ASAP2: variants seen among roughly 807,000 people sequenced by gnomAD.
The protein encoded by ASAP2 is arf-GAP with SH3 domain, ANK repeat and PH domain-containing protein 2.
ASAP2 carries 45 observed loss-of-function variants against 131.4 expected under a neutral mutation model. The observed-to-expected ratio is 0.34, with a 90% CI of 0.27 to 0.44. The LOEUF is 0.44. Among genes scored for constraint, ASAP2 ranks in the 20% least tolerant of loss-of-function variants. The pLI is 1.00. For synonymous variants in ASAP2, 510 were observed against 503.0 expected, an observed-to-expected ratio of 1.01 and a Z score of -0.19; for missense variants, 1,011 against 1,297.0, an observed-to-expected ratio of 0.78 and a Z score of 3.39.
At chr2:9,343,941 G>T (rs1671777025) in intron 9 of ASAP2, among the ~76,000 whole-genome samples, 1 of 152,136 alleles carries the variant, frequency 6.6e-6, no homozygotes, top group South Asian at 2.1e-4. Flanking sequence ...CCTTGGTCAG[G>T]GTCAGACCCC....
At chr2:9,297,748 G>A (rs928076898) in intron 3 of ASAP2, among the ~76,000 whole-genome samples, 1 of 152,208 alleles carries the variant, frequency 6.6e-6, no homozygotes, top group Non-Finnish European at 1.5e-5. Flanking sequence ...TTTCTAAACT[G>A]TGTAGACTAC....
At chr2:9,224,656 T>A (rs1287056563) in intron 1 of ASAP2, among the ~76,000 whole-genome samples, 1 of 152,196 alleles carries the variant, frequency 6.6e-6, no homozygotes, top group Non-Finnish European at 1.5e-5. Flanking sequence ...CATAATCATA[T>A]CCTTTCTTCT....
intron 1 of ASAP2, among the ~76,000 whole-genome samples, chr2:9,211,910 T>G (rs1246167966): frequency 6.6e-6 from 1 of 152,230 alleles, no homozygotes; most frequent in Non-Finnish European, 1.5e-5. Flanking sequence ...AGCATTCATG[T>G]TTTTGGAAGT....
Position 9,391,193 on chromosome 2 carries a change from A to G in ASAP2, c.2515A>G (p.Thr839Ala). 1 of 1,611,474 alleles carries G rather than the reference A, an allele frequency of 6.2e-7. No individual in the cohort carries two copies. The highest frequency in any genetic ancestry group is 8.5e-7 in the Non-Finnish European group (1 of 1,178,770). ...GCTGCCCCCTCTTCGCGTGACATCT[A>G]CCAGTACGTTTTTTTCCTTTTTCCT... ...PPLPPLRVTS[T>A]NPLTPTPPPP... is the part of the protein sequence containing the mutation. The change falls in exon 23 of 28, where the codon ACC (threonine) becomes GCC (alanine). Residue 839 changes from threonine to alanine, a missense_variant. Thr to Ala is a moderately conservative substitution (Grantham distance 58, BLOSUM62 0). Transcript: ENST00000281419.
intron 15 of ASAP2, among the ~76,000 whole-genome samples, chr2:9,361,646 C>CA (rs1466238582): frequency 6.6e-6 from 1 of 152,012 alleles, no homozygotes; most frequent in Non-Finnish European, 1.5e-5. Context: ...TAGCTCACTG[C>CA]AACCTCTGCC....
chr2:9,313,688 C>T lies in ASAP2; in HGVS notation c.346-4836C>T, dbSNP rs116242135. 2.8e-3 allele frequency among the ~76,000 whole-genome samples: 430 copies of T among 152,280 alleles called. 2 individuals carry two copies. The highest frequency in any genetic ancestry group is 5.1e-3 in the Non-Finnish European group (345 of 68,028). On this transcript the variant is annotated intron_variant, in intron 3 of 27. Coordinates refer to ENST00000281419, the MANE Select transcript of ASAP2 (RefSeq NM_003887.3). ...GGTTCAGGACCAAATTGACCTGCGCCGGTGACTCTGATTGTGGTTTTGTAT... is the reference window on the plus strand; with the variant it reads ...GGTTCAGGACCAAATTGACCTGCGCTGGTGACTCTGATTGTGGTTTTGTAT...
At chr2:9,227,697 A>G (rs1402211491) in intron 1 of ASAP2, among the ~76,000 whole-genome samples, 6 of 152,194 alleles carry the variant, frequency 3.9e-5, no homozygotes, top group Non-Finnish European at 8.8e-5. Flanking sequence ...CCAGCTGAGT[A>G]TTTGGGAGGT....
At chr2:9,225,592 C>G (rs1395066996) in intron 1 of ASAP2, among the ~76,000 whole-genome samples, 3 of 152,114 alleles carry the variant, frequency 2.0e-5, no homozygotes, top group Non-Finnish European at 4.4e-5. Flanking sequence ...GAAATTGATT[C>G]AGAAGGTTGT....
At chr2:9,362,559 C>T (rs932020000) in intron 15 of ASAP2, among the ~76,000 whole-genome samples, 1 of 152,140 alleles carries the variant, frequency 6.6e-6, no homozygotes, top group Admixed American at 6.5e-5. Flanking sequence ...CTCTCTTGAG[C>T]CTGGTGTGGT....
At chr2:9,314,250 C>T (rs1669500914) in intron 3 of ASAP2, among the ~76,000 whole-genome samples, 1 of 152,186 alleles carries the variant, frequency 6.6e-6, no homozygotes, top group Admixed American at 6.5e-5. Context: ...TCCCAAAGTG[C>T]TGGAATTACA....
intron 3 of ASAP2, among the ~76,000 whole-genome samples, chr2:9,305,518 T>TA (rs72534540): frequency 1.7e-4 from 7 of 40,824 alleles, no homozygotes; most frequent in Admixed American, 5.4e-4. Flanking sequence ...GGGGTATAGA[T>TA]ATTGGTGGAG....
chr2:9,381,743 AAC>A (rs1172363133), intron 20 of ASAP2, among the ~76,000 whole-genome samples: 1 of 152,074 alleles, frequency 6.6e-6, no homozygotes, highest in African/African-American at 2.4e-5. Context: ...TCTCCACAAA[AAC>A]GTTTCGAATT....
At chr2:9,332,528 G>A (rs146411567) in intron 7 of ASAP2, among the ~76,000 whole-genome samples, 2,080 of 152,258 alleles carry the variant, frequency 0.014, 35 homozygotes, top group African/African-American at 0.048. Context: ...ACCATTCATC[G>A]TCATGCTGGA....
intron 3 of ASAP2, among the ~76,000 whole-genome samples, chr2:9,303,307 T>C (rs1401894403): frequency 1.3e-5 from 2 of 152,170 alleles, no homozygotes; most frequent in East Asian, 3.9e-4. Context: ...TTATTAGGTG[T>C]CCGTTTCTGA....
Position 9,385,301 on chromosome 2 carries a change from G to A in ASAP2, c.2073G>A (p.Trp691Ter). Reference sequence around the variant, plus strand: ...CTCACGTTCACGTTGAATATGAATGGCGACTACTCCACGAAGACCTGGATG... The same window carrying A: ...CTCACGTTCACGTTGAATATGAATGACGACTACTCCACGAAGACCTGGATG... ...FNSHVHVEYE[W>*]RLLHEDLDES... The change falls in exon 21 of 28, where the codon TGG becomes TGA. Residue 691 changes from tryptophan (W) to a stop codon, truncating the protein, a stop_gained. Transcript: ENST00000281419. LOFTEE classifies it high-confidence loss of function. 1 of 1,614,208 alleles carries A rather than the reference G, an allele frequency of 6.2e-7. No homozygotes were observed. The highest frequency in any genetic ancestry group is 8.5e-7 in the Non-Finnish European group (1 of 1,180,040).
At chr2:9,303,261 C>A (rs778771258) in intron 3 of ASAP2, among the ~76,000 whole-genome samples, 1 of 152,264 alleles carries the variant, frequency 6.6e-6, no homozygotes, top group East Asian at 1.9e-4. Context: ...GCTTGGGGTA[C>A]GTGGGAATAT....
intron 3 of ASAP2, among the ~76,000 whole-genome samples, chr2:9,303,409 A>T (rs1368742289): frequency 6.6e-6 from 1 of 152,138 alleles, no homozygotes; most frequent in African/African-American, 2.4e-5. Context: ...CTGTTTCACG[A>T]TGCTGCGAGC....
intron 11 of ASAP2, among the ~76,000 whole-genome samples, chr2:9,348,116 CTGTT>C (rs200824083): frequency 0.027 from 4,130 of 150,228 alleles, 363 homozygotes; most frequent in African/African-American, 0.083. Context: ...ACTTTTTTGT[CTGTT>C]TGTTTGTTTG....
At chr2:9,385,708 G>A (rs1237939348) in intron 21 of ASAP2, among the ~76,000 whole-genome samples, 3 of 152,306 alleles carry the variant, frequency 2.0e-5, no homozygotes, top group Non-Finnish European at 4.4e-5. Context: ...CCCAGTCTAG[G>A]TGATCACATT....
Sources: gnomAD v4.1 joint callset for allele counts (sites outside exome capture counted in the v4.1 genomes callset) on GRCh38, gnomAD v4.1.1 for gene constraint, MANE v1.5 for transcripts, NCBI Gene and HGNC (gene_info 2026-07-23, HGNC 2026-07-21) for gene names.